CIZ1: variants seen among roughly 807,000 people sequenced by gnomAD.
The protein encoded by CIZ1 is cip1-interacting zinc finger protein.
In CIZ1, 58 loss-of-function variants were observed where a neutral mutation model predicts 118.6. That is an observed-to-expected ratio of 0.49 (90% CI 0.40 to 0.61). CIZ1 has a LOEUF of 0.61. Ranked by LOEUF, CIZ1 falls within the 20% of genes least tolerant of loss-of-function variation. The pLI, the probability that CIZ1 is intolerant of heterozygous loss-of-function variation, is 0.00. For synonymous variants in CIZ1, 448 were observed against 443.4 expected, an observed-to-expected ratio of 1.01 and a Z score of -0.13; for missense variants, 921 against 1,115.9, an observed-to-expected ratio of 0.83 and a Z score of 2.49.
chr9:128,191,825 AG>A, upstream of CIZ1: 1 of 1,458,782 alleles, frequency 6.9e-7, no homozygotes, highest in Non-Finnish European at 9.0e-7. This position sits in a 1 kb window ranked among gnomAD's most constrained non-coding sequence, Gnocchi z 5.5. Context: ...CGGGGCATCG[AG>A]GGGGACTTCC....
At chr9:128,178,597 T>C (rs1831166961) in intron 8 of CIZ1, 107 bp from the exon 9 acceptor site, 1 of 1,587,460 alleles carries the variant, frequency 6.3e-7, no homozygotes, top group South Asian at 1.1e-5. Context: ...GCCCTGGACC[T>C]GGGTTCCAGG....
At chr9:128,179,932 A>T (rs914661104) in intron 7 of CIZ1, among the ~76,000 whole-genome samples, 1 of 149,628 alleles carries the variant, frequency 6.7e-6, no homozygotes, top group African/African-American at 2.5e-5. Context: ...TCAGCCTCCC[A>T]AAGTGCTGGG....
At chr9:128,196,272 G>A (rs920108058), upstream of CIZ1, among the ~76,000 whole-genome samples, 2 of 152,144 alleles carry the variant, frequency 1.3e-5, no homozygotes, top group Admixed American at 1.3e-4. Flanking sequence ...AATGGGCCAG[G>A]TGTTGTGACT....
intron 11 of CIZ1, 101 bp from the exon 12 acceptor site, chr9:128,170,208 C>G: frequency 1.0e-6 from 1 of 987,094 alleles, no homozygotes; most frequent in African/African-American, 1.6e-5. Flanking sequence ...GCAACTCCCA[C>G]AGGATCTCTT....
chr9:128,174,332 G>A (rs371766499), intron 11 of CIZ1, among the ~76,000 whole-genome samples: 1 of 152,150 alleles, frequency 6.6e-6, no homozygotes, highest in East Asian at 1.9e-4. Flanking sequence ...AAACTGTTCT[G>A]CTACCGCAGA....
At chr9:128,202,591 T>C (rs1162829937) in intron 1 of CIZ1, among the ~76,000 whole-genome samples, 1 of 152,122 alleles carries the variant, frequency 6.6e-6, no homozygotes, top group African/African-American at 2.4e-5. Flanking sequence ...TGGCTCCTTC[T>C]CATCATTTTG....
intron 5 of CIZ1, among the ~76,000 whole-genome samples, chr9:128,181,545 C>T (rs1831613465): frequency 1.3e-5 from 2 of 152,112 alleles, no homozygotes; most frequent in African/African-American, 4.8e-5. Flanking sequence ...TAGGAAAAAC[C>T]AGGCCATACA....
intron 11 of CIZ1, among the ~76,000 whole-genome samples, chr9:128,175,141 G>T (rs946591599): frequency 2.0e-5 from 3 of 152,136 alleles, no homozygotes; most frequent in African/African-American, 7.2e-5. Flanking sequence ...AGCTCATTCT[G>T]CAGATGCAAT....
rs753487535 is a variant in CIZ1 at position 128,185,720 on chromosome 9, G to C, written c.415C>G (p.Pro139Ala). 6.2e-7 allele frequency: 1 copy of C among 1,612,626 alleles called. No individual in the cohort carries two copies. The highest frequency in any genetic ancestry group is 1.7e-5 in the Admixed American group (1 of 59,856). Residue 139 changes from proline to alanine, a missense_variant, in exon 5 of 17, where the codon CCC becomes GCC. Pro to Ala is a conservative substitution (Grantham distance 27). Coordinates refer to ENST00000372938, the MANE Select transcript of CIZ1 (RefSeq NM_001131016.2). ...SPGLAAPSLT[P>A]PQLATPNLQQ... ...AAATTTGGAGTGGCCAGTTGTGGGGGTGTGAGGCTGGGGGCTGCGAGGCCT... is the reference window on the plus strand; with the variant it reads ...AAATTTGGAGTGGCCAGTTGTGGGGCTGTGAGGCTGGGGGCTGCGAGGCCT...
At chr9:128,169,555 G>C (rs1347794733) in intron 12 of CIZ1, 36 bp from the exon 13 acceptor site, 1 of 1,609,580 alleles carries the variant, frequency 6.2e-7, no homozygotes, top group South Asian at 1.1e-5. Context: ...AGTGTCCCCA[G>C]CTGCAAGCCC....
Position 128,166,569 on chromosome 9 carries a change from G to T in CIZ1, c.2488-163C>A, listed in dbSNP as rs546839348. The T allele has an allele frequency of 1.4e-4, 129 of 925,886 alleles. 2 individuals are homozygous for T. The East Asian group carries it at 3.1e-3, about 22-fold the overall frequency. 57.4% of individuals were successfully genotyped at this position (925,886 alleles called of 1,614,324 possible). On this transcript the variant is annotated intron_variant, in intron 16 of 16. Transcript: ENST00000372938. The surrounding 1 kb of genome is among the most constrained non-coding windows in gnomAD (Gnocchi z 4.4). ...GGCCGTCTCTGGAGCTAACAGCCTG[G>T]CACTCAGCATCCCCTTGAACAATAA...
Position 128,177,672 on chromosome 9 carries a change from C to A in CIZ1, c.1712G>T (p.Arg571Leu). 2 of 1,600,976 alleles carry A rather than the reference C, an allele frequency of 1.2e-6. No individual in the cohort carries two copies. The highest frequency in any genetic ancestry group is 2.3e-5 in the East Asian group (1 of 44,236). Residue 571 changes from arginine (R) to leucine (L), a missense_variant, in exon 10 of 17, where the codon CGC (arginine) becomes CTC (leucine). Arg to Leu is a moderately radical substitution (Grantham distance 102). Coordinates refer to ENST00000372938, the MANE Select transcript of CIZ1 (RefSeq NM_001131016.2). ...GGTGGAGGAGACGGAGTCACTGGGGCGGGGGACAGGTGTCAGGGGTACAGT... is the reference window on the plus strand; with the variant it reads ...GGTGGAGGAGACGGAGTCACTGGGGAGGGGGACAGGTGTCAGGGGTACAGT... ...FSTVPLTPVPRPSDSVSSTPA... is the reference protein window; with the variant it reads ...FSTVPLTPVPLPSDSVSSTPA...
In CIZ1 at chr9:128,185,784, C is replaced by T. The variant is rs1832288141; in HGVS notation, c.359-8G>A. 6.2e-7 allele frequency: 1 copy of T among 1,606,518 alleles called. No individual in the cohort carries two copies. Among genetic ancestry groups the T allele is most frequent in the East Asian group, 2.2e-5 (1 of 44,816 alleles). On this transcript the variant is annotated splice_polypyrimidine_tract_variant and splice_region_variant and intron_variant, in intron 4 of 16. Coordinates refer to ENST00000372938, the MANE Select transcript of CIZ1 (RefSeq NM_001131016.2). ...CATAGCCTCGGAGGTTACCTGCAGG[C>T]AAGAAGACAGGAGAAGAGGGGTCAC...
chr9:128,180,855 C>A, intron 5 of CIZ1, 41 bp from the exon 6 acceptor site: 1 of 1,423,740 alleles, frequency 7.0e-7, no homozygotes, highest in East Asian at 2.3e-5. Context: ...CAATACCCAC[C>A]CCTATCAATA....
intron 11 of CIZ1, among the ~76,000 whole-genome samples, chr9:128,171,355 G>C (rs1830094303): frequency 6.6e-6 from 1 of 152,064 alleles, no homozygotes; most frequent in African/African-American, 2.4e-5. Flanking sequence ...CTTGAGCCCA[G>C]GAGGTTAAGG....
At position 128,173,886 on chromosome 9, in the gene CIZ1, G is replaced by A. The variant is rs574091676; in HGVS notation, c.1943+2465C>T. On this transcript the variant is annotated intron_variant, in intron 11 of 16. Transcript: ENST00000372938. ...CCGGGCCTAGTGGTAGGCGCCTGTA[G>A]TCCCAGCTACTCGGGAGGCGGAGGC... Among the ~76,000 whole-genome samples the A allele has an allele frequency of 3.9e-5, 6 of 152,202 alleles. No homozygotes were observed. In the South Asian group the frequency reaches 1.0e-3, roughly 26 times the overall value.
Position 128,191,364 on chromosome 9 carries a change from C to A in CIZ1, c.-6+68G>T, listed in dbSNP as rs1320877373. The A allele has an allele frequency of 3.3e-6, 2 of 601,836 alleles. No individual in the cohort carries two copies. The highest frequency in any genetic ancestry group is 4.2e-6 in the Non-Finnish European group (2 of 476,020). The allele number at this position is 601,836 out of a possible 1,614,324, so 37.3% of individuals were successfully genotyped here. ...CTCCGCCCGCTCCCACCCCGCCAGC[C>A]GCCTCCTCCGCAGACACAGCCAGCT... is the stretch of plus-strand genomic sequence containing the variant. On this transcript the variant is annotated intron_variant, in intron 1 of 16. Transcript: ENST00000372938. This position sits in a 1 kb window ranked among gnomAD's most constrained non-coding sequence, Gnocchi z 5.5.
chr9:128,173,075 C>G (rs1047525660), intron 11 of CIZ1, among the ~76,000 whole-genome samples: 7 of 151,992 alleles, frequency 4.6e-5, no homozygotes, highest in African/African-American at 1.7e-4. Context: ...AGCAATCCTC[C>G]CACCTCAGCC....
chr9:128,195,502 G>C (rs1245622569), upstream of CIZ1, among the ~76,000 whole-genome samples: 1 of 152,018 alleles, frequency 6.6e-6, no homozygotes, highest in Admixed American at 6.6e-5. Context: ...ATTTTCAGTA[G>C]AGATGGGGTT....
Sources: allele counts gnomAD v4.1 joint callset (sites outside exome capture counted in the v4.1 genomes callset), GRCh38; gene constraint gnomAD v4.1.1; non-coding constraint Gnocchi (gnomAD v3.1); transcripts MANE v1.5; gene names NCBI Gene and HGNC (gene_info 2026-07-23, HGNC 2026-07-21).